Variants in GRID2 observed in about 807,000 individuals in gnomAD.
The protein encoded by GRID2 is glutamate ionotropic receptor delta type subunit 2, also known as glutamate receptor ionotropic, delta-2.
In GRID2, 33 loss-of-function variants were observed where a neutral mutation model predicts 114.8. That is an observed-to-expected ratio of 0.29 (90% CI 0.22 to 0.38). GRID2 has a LOEUF of 0.38. GRID2 is among the 10% of genes least tolerant of loss of function. The pLI, the probability that GRID2 is intolerant of heterozygous loss-of-function variation, is 1.00. For missense variants in GRID2, 1,184 were observed against 1,257.7 expected (o/e 0.94, Z 0.89); for synonymous variants, 505 against 449.9 (o/e 1.12, Z -1.55).
At chr4:92,603,017 A>G (rs1215945671) in intron 2 of GRID2, among the ~76,000 whole-genome samples, 1 of 152,182 alleles carries the variant, frequency 6.6e-6, no homozygotes, top group Non-Finnish European at 1.5e-5. Context: ...CTCTTCAAGG[A>G]GAACTACAAA....
chr4:93,490,545 A>T, intron 11 of GRID2, 94 bp from the exon 12 acceptor site: 1 of 756,696 alleles, frequency 1.3e-6, no homozygotes, highest in Non-Finnish European at 2.2e-6. Flanking sequence ...AATTCTCACT[A>T]CTTGCAAGTT....
At position 93,128,027 on chromosome 4, in the gene GRID2, C is replaced by CAAAAAAAAAAAAAAAA. The variant is rs1008311457; in HGVS notation, c.735+17091_735+17106dup. Among the ~76,000 whole-genome samples the CAAAAAAAAAAAAAAAA allele has an allele frequency of 2.6e-3, 53 of 20,326 alleles. 15 individuals carry two copies. Among genetic ancestry groups the CAAAAAAAAAAAAAAAA allele is most frequent in the African/African-American group, 8.2e-3 (49 of 5,948 alleles). 13.3% of individuals were successfully genotyped at this position (20,326 alleles called of 152,430 possible). A position where few individuals can be genotyped will look rare whatever the true frequency, so the allele number is the denominator to read the frequency against. On this transcript the variant is annotated intron_variant, in intron 4 of 15. Coordinates refer to ENST00000282020, the MANE Select transcript of GRID2 (RefSeq NM_001510.4). ...CAGAGTAAGACCTTGTCCCCCGCAA[C>CAAAAAAAAAAAAAAAA]AAAAAAAAAAAAAAAAAAAAAAAAA...
chr4:92,986,494 G>T (rs1318954928), intron 2 of GRID2, among the ~76,000 whole-genome samples: 1 of 152,116 alleles, frequency 6.6e-6, no homozygotes, highest in Non-Finnish European at 1.5e-5. Context: ...AACAAGGAAA[G>T]TGGCAAATAC....
At chr4:93,388,680 A>C (rs1264346091) in intron 8 of GRID2, among the ~76,000 whole-genome samples, 1 of 152,224 alleles carries the variant, frequency 6.6e-6, no homozygotes, top group African/African-American at 2.4e-5. Flanking sequence ...GACTTTAAGC[A>C]GATGTTATAA....
chr4:93,644,143 G>T (rs1284406820), intron 14 of GRID2, among the ~76,000 whole-genome samples: 2 of 86,612 alleles, frequency 2.3e-5, no homozygotes, highest in Admixed American at 1.0e-4. Flanking sequence ...CGCTTCCCAG[G>T]TGAGGCAATG....
intron 2 of GRID2, among the ~76,000 whole-genome samples, chr4:92,907,142 C>T (rs1748019193): frequency 6.6e-6 from 1 of 152,018 alleles, no homozygotes; most frequent in African/African-American, 2.4e-5. Flanking sequence ...CAGTATATGC[C>T]CCGTTTTTCC....
chr4:92,426,502 A>G (rs1415337919), intron 1 of GRID2, among the ~76,000 whole-genome samples: 6 of 152,172 alleles, frequency 3.9e-5, no homozygotes, highest in Non-Finnish European at 8.8e-5. Context: ...ATGCTAAAAC[A>G]AGGAATTACA....
chr4:93,618,451 T>G (rs1344459197), intron 13 of GRID2, among the ~76,000 whole-genome samples: 1 of 152,126 alleles, frequency 6.6e-6, no homozygotes, highest in Non-Finnish European at 1.5e-5. Context: ...AGGTAAAATA[T>G]CCTCTCTTCC....
intron 14 of GRID2, among the ~76,000 whole-genome samples, chr4:93,765,495 C>T (rs1454970615): frequency 6.6e-6 from 1 of 151,810 alleles, no homozygotes; most frequent in Admixed American, 6.6e-5. Context: ...TTCCTTCTTT[C>T]CCCTCGATGA....
intron 13 of GRID2, among the ~76,000 whole-genome samples, chr4:93,526,678 G>A (rs973280073): frequency 1.3e-5 from 2 of 152,038 alleles, no homozygotes; most frequent in African/African-American, 2.4e-5. Flanking sequence ...GTGTGGTGGC[G>A]CATGCCTGTA....
At chr4:92,530,097 A>T (rs575556080) in intron 1 of GRID2, among the ~76,000 whole-genome samples, 10 of 151,452 alleles carry the variant, frequency 6.6e-5, no homozygotes, top group African/African-American at 2.2e-4. Context: ...TCCTAACTTT[A>T]CTCTAGGTAC....
At chr4:93,050,793 T>C (rs982254213) in intron 2 of GRID2, among the ~76,000 whole-genome samples, 3 of 152,000 alleles carry the variant, frequency 2.0e-5, no homozygotes, top group African/African-American at 7.2e-5. Flanking sequence ...ACAATAAATA[T>C]TGAAAGCCTT....
At chr4:92,699,380 C>A (rs1734563227) in intron 2 of GRID2, among the ~76,000 whole-genome samples, 1 of 152,092 alleles carries the variant, frequency 6.6e-6, no homozygotes. Flanking sequence ...GACAGATAGG[C>A]CTATTAGTCT....
intron 2 of GRID2, among the ~76,000 whole-genome samples, chr4:92,743,234 G>T (rs1294934567): frequency 1.3e-5 from 2 of 152,210 alleles, no homozygotes; most frequent in Non-Finnish European, 2.9e-5. Flanking sequence ...CTGTGATCCT[G>T]CCACTGCACT....
chr4:92,505,275 G>A (rs935095527), intron 1 of GRID2, among the ~76,000 whole-genome samples: 1 of 151,930 alleles, frequency 6.6e-6, no homozygotes, highest in East Asian at 1.9e-4. Flanking sequence ...AAAGAATGCT[G>A]TCCATAACTT....
chr4:92,845,321 CTT>C (rs1483847282), intron 2 of GRID2, among the ~76,000 whole-genome samples: 5 of 152,052 alleles, frequency 3.3e-5, no homozygotes, highest in African/African-American at 4.8e-5. Context: ...AATTTCCTGT[CTT>C]TACTTTTTGA....
intron 13 of GRID2, among the ~76,000 whole-genome samples, chr4:93,560,851 A>C (rs1439825404): frequency 6.6e-6 from 1 of 152,042 alleles, no homozygotes; most frequent in Non-Finnish European, 1.5e-5. Context: ...TAGATATTTT[A>C]CCCACGGTTT....
At chr4:93,149,884 C>T (rs1162105404) in intron 4 of GRID2, among the ~76,000 whole-genome samples, 1 of 151,916 alleles carries the variant, frequency 6.6e-6, no homozygotes, top group Non-Finnish European at 1.5e-5. Context: ...GATCCTCCTG[C>T]CTCCACCTCC....
chr4:92,921,005 C>T (rs1005579759), intron 2 of GRID2, among the ~76,000 whole-genome samples: 1 of 152,150 alleles, frequency 6.6e-6, no homozygotes, highest in South Asian at 2.1e-4. Context: ...TAGATTTGGT[C>T]TTTTCACATA....
Sources: allele counts gnomAD v4.1 joint callset (sites outside exome capture counted in the v4.1 genomes callset), GRCh38; gene constraint gnomAD v4.1.1; transcripts MANE v1.5; gene names NCBI Gene and HGNC (gene_info 2026-07-23, HGNC 2026-07-21).